The following CELSR2 variants were observed in gnomAD, a reference collection of about 807,000 sequenced individuals.
CELSR2 encodes cadherin EGF LAG seven-pass G-type receptor 2.
CELSR2 carries 81 observed loss-of-function variants against 251.6 expected under a neutral mutation model. The observed-to-expected ratio is 0.32, with a 90% CI of 0.27 to 0.39. The LOEUF is 0.39. CELSR2 is among the 10% of genes least tolerant of loss of function. The probability of loss-of-function intolerance (pLI) is 1.00; values close to 1 mark genes in which losing one functional copy is unlikely to be tolerated. For missense variants in CELSR2, 3,365 were observed against 3,947.7 expected, an observed-to-expected ratio of 0.85 and a Z score of 3.96; for synonymous variants, 1,721 against 1,670.5, an observed-to-expected ratio of 1.03 and a Z score of -0.74.
At position 109,261,681 on chromosome 1, in the gene CELSR2, C is replaced by T. The variant is rs1181345516; in HGVS notation, c.4297+53C>T. On this transcript the variant is annotated intron_variant, in intron 4 of 33. Coordinates refer to ENST00000271332, the MANE Select transcript of CELSR2 (RefSeq NM_001408.3). This position sits in a 1 kb window ranked among gnomAD's most constrained non-coding sequence, Gnocchi z 4.8. ...CCATCTTCCAAAGGCCCCAAGTCTT[C>T]CAGCCCCTGACCCCAAGCCACATAC... 6.4e-7 allele frequency: 1 copy of T among 1,573,458 alleles called. No individual in the cohort carries two copies. Among genetic ancestry groups the T allele is most frequent in the Non-Finnish European group, 8.7e-7 (1 of 1,143,846 alleles).
At position 109,269,391 on chromosome 1, in the gene CELSR2, G is replaced by C. The variant is rs750811946; in HGVS notation, c.6813-33G>C. On this transcript the variant is annotated intron_variant, in intron 20 of 33. Coordinates refer to ENST00000271332, the MANE Select transcript of CELSR2 (RefSeq NM_001408.3). The surrounding 1 kb of genome is among the most constrained non-coding windows in gnomAD (Gnocchi z 6.4). The stretch of plus-strand genomic sequence containing the variant: ...GCGTCTCCCCAGTCATGTGACTGCC[G>C]TGGTGACTGTGCACCTGACTGCCCC... 1 of 1,611,230 alleles carries C rather than the reference G, an allele frequency of 6.2e-7. No homozygotes were observed.
rs1656037691 is a variant in CELSR2, at chr1:109,262,183, G to A, written c.4387-104G>A. 6 of 1,481,186 alleles carry A rather than the reference G, an allele frequency of 4.1e-6. No homozygotes were observed. The Admixed American group carries it at 5.7e-5, about 14-fold the overall frequency. The allele number at this position is 1,481,186 out of a possible 1,614,324, so 91.8% of individuals were successfully genotyped here. A position where few individuals can be genotyped will look rare whatever the true frequency, so the allele number is the denominator to read the frequency against. ...TGTGTATATGCATGTGTGTACGTGT[G>A]TCTGGGCATGTGGGTGCACACAGAG... On this transcript the variant is annotated intron_variant, in intron 5 of 33. Transcript: ENST00000271332.
chr1:109,264,797 T>G (rs1362813872), intron 11 of CELSR2, 71 bp from the exon 12 acceptor site: 4 of 1,609,558 alleles, frequency 2.5e-6, no homozygotes, highest in Non-Finnish European at 3.4e-6. Context: ...AAGAAACAGA[T>G]GAAGGGTTTG....
At position 109,269,960 on chromosome 1, in the gene CELSR2, C is replaced by T. The variant is rs750802013; in HGVS notation, c.7135C>T (p.Leu2379=). ...ENGEILPLKT[L]TYVALGVTLA... is the part of the protein sequence containing the mutation. ...TGGGGAGATCCTGCCACTGAAGACACTGACATACGTGGCTCTAGGTGTCAC... is the reference window on the plus strand; with the variant it reads ...TGGGGAGATCCTGCCACTGAAGACATTGACATACGTGGCTCTAGGTGTCAC... The change falls in exon 23 of 34, where the codon CTG becomes TTG. Residue 2379 remains leucine, a synonymous_variant. Transcript: ENST00000271332. This position sits in a 1 kb window ranked among gnomAD's most constrained non-coding sequence, Gnocchi z 6.4. The T allele has an allele frequency of 6.2e-7, 1 of 1,614,170 alleles. No individual in the cohort carries two copies. Among genetic ancestry groups the T allele is most frequent in the Non-Finnish European group, 8.5e-7 (1 of 1,180,024 alleles).
rs919619982 is a variant in CELSR2, at chr1:109,264,769, G to A, written c.5465-99G>A. 4 of 1,594,790 alleles carry A rather than the reference G, an allele frequency of 2.5e-6. No individual in the cohort carries two copies. In the African/African-American group the frequency reaches 5.4e-5, roughly 21 times the overall value. On this transcript the variant is annotated intron_variant, in intron 11 of 33. Coordinates refer to ENST00000271332, the MANE Select transcript of CELSR2 (RefSeq NM_001408.3). ...CTACACAACAAAGCCATAGCCAGCT[G>A]ATAGGATGCTATGTGGAAAGAAACA...
rs200048357 is a variant in CELSR2 at position 109,263,216 on chromosome 1, G to A, written c.4783G>A (p.Ala1595Thr). ...NGGTCVNQWD[A>T]FSCECPLGFG... ...GGGCACTTGCGTGAACCAGTGGGAC[G>A]CGTTCAGCTGCGAGTGCCCCCTGGG... The change falls in exon 8 of 34, where the codon GCG (alanine) becomes ACG (threonine). Residue 1595 changes from alanine to threonine, a missense_variant. By Grantham distance (58) the Ala-to-Thr change is moderately conservative (BLOSUM62 0). Around this residue, in one of 5 missense-constraint regions of CELSR2, gnomAD observed 2,093 missense variants for 2,382.8 expected, o/e 0.88. Transcript: ENST00000271332. The A allele has an allele frequency of 2.9e-5, 47 of 1,593,896 alleles. No homozygotes were observed. Among genetic ancestry groups the A allele is most frequent in the African/African-American group, 5.4e-5 (4 of 74,602 alleles).
chr1:109,263,825 G>C, intron 9 of CELSR2, 48 bp downstream of exon 9: 1 of 1,590,272 alleles, frequency 6.3e-7, no homozygotes, highest in Non-Finnish European at 8.5e-7. Flanking sequence ...TAGGGCCCTG[G>C]TAGCCTCTAG....
chr1:109,261,047 C>T lies in CELSR2; in HGVS notation c.3964C>T (p.His1322Tyr). 1 of 1,609,610 alleles carries T rather than the reference C, an allele frequency of 6.2e-7. No homozygotes were observed. Among genetic ancestry groups the T allele is most frequent in the Non-Finnish European group, 8.5e-7 (1 of 1,177,160 alleles). Residue 1322 changes from histidine to tyrosine, a missense_variant, in exon 3 of 34, where the codon CAC becomes TAC. Physicochemically the swap from His to Tyr is moderately conservative, Grantham distance 83 (BLOSUM62 2). Coordinates refer to ENST00000271332, the MANE Select transcript of CELSR2 (RefSeq NM_001408.3). This position sits in a 1 kb window ranked among gnomAD's most constrained non-coding sequence, Gnocchi z 4.8. Reference protein sequence around the residue: ...CLCRDGYTGEHCEVSARSGRC... With the variant: ...CLCRDGYTGEYCEVSARSGRC... ...CTGCCTTTCCTCTTGTCCAGGTGAG[C>T]ACTGTGAGGTGAGTGCTCGCTCAGG... is the stretch of plus-strand genomic sequence containing the variant.
chr1:109,261,451 C>T lies in CELSR2; in HGVS notation c.4182-62C>T, dbSNP rs74508928. ...TCCCTCCCCTGCGCTGGTTAGGTGG[C>T]GGGGGTGCTGGCATCCAGGTGGGTA... is the stretch of plus-strand genomic sequence containing the variant. On this transcript the variant is annotated intron_variant, in intron 3 of 33. Transcript: ENST00000271332. This position sits in a 1 kb window ranked among gnomAD's most constrained non-coding sequence, Gnocchi z 4.8. The T allele has an allele frequency of 2.3e-3, 3,493 of 1,502,036 alleles. 69 individuals carry two copies. In the East Asian group the frequency reaches 0.038, roughly 16 times the overall value. The allele number at this position is 1,502,036 out of a possible 1,614,324, so 93.0% of individuals were successfully genotyped here. A position where few individuals can be genotyped will look rare whatever the true frequency, so the allele number is the denominator to read the frequency against.
At chr1:109,260,465 G>C (rs1244323520) in intron 2 of CELSR2, among the ~76,000 whole-genome samples, 2 of 152,130 alleles carry the variant, frequency 1.3e-5, no homozygotes, top group African/African-American at 4.8e-5. Context: ...GGGCTCCCCA[G>C]CTTCTCTCTC....
At position 109,251,781 on chromosome 1, in the gene CELSR2, C is replaced by G; in HGVS notation, c.1702C>G (p.Leu568Val). The change falls in exon 1 of 34, where the codon CTG (leucine) becomes GTG (valine). Residue 568 changes from leucine to valine, a missense_variant. Transcript: ENST00000271332. This position sits in a 1 kb window ranked among gnomAD's most constrained non-coding sequence, Gnocchi z 4.9. ...AGGCTGGATCTCTGTGGCTGCTGAA[C>G]TGGACCGGGAGGAAGTTGATTTCTA... is the stretch of plus-strand genomic sequence containing the variant. Reference protein sequence around the residue: ...GTGWISVAAELDREEVDFYSF... With the variant: ...GTGWISVAAEVDREEVDFYSF... The G allele has an allele frequency of 1.9e-6, 3 of 1,614,148 alleles. No individual in the cohort carries two copies. Among genetic ancestry groups the G allele is most frequent in the East Asian group, 2.2e-5 (1 of 44,890 alleles).
rs367611042 is a variant in CELSR2, at chr1:109,272,261, C to A, written c.7927-17C>A. On this transcript the variant is annotated splice_polypyrimidine_tract_variant and intron_variant, in intron 28 of 33. Transcript: ENST00000271332. The stretch of plus-strand genomic sequence containing the variant: ...CATCCCACTCCCCACTTACTGACCT[C>A]TCTGTTCCCTGCCTAGTCCTACAAC... 8.0e-5 allele frequency: 126 copies of A among 1,565,344 alleles called. No homozygotes were observed. Among genetic ancestry groups the A allele is most frequent in the Non-Finnish European group, 1.1e-4 (122 of 1,152,040 alleles).
rs776854763 is a variant in CELSR2 at position 109,252,907 on chromosome 1, T to C, written c.2828T>C (p.Val943Ala). The change falls in exon 1 of 34, where the codon GTC becomes GCC. Residue 943 changes from valine to alanine, a missense_variant. Transcript: ENST00000271332. The surrounding 1 kb of genome is among the most constrained non-coding windows in gnomAD (Gnocchi z 4.8). ...CCCATTGGGCTAGCCGTGGCCCGGG[T>C]CACAGCCACTGACCCCGATGAAGGC... ...NSPIGLAVAR[V>A]TATDPDEGTN... 4 of 1,612,510 alleles carry C rather than the reference T, an allele frequency of 2.5e-6. No homozygotes were observed. Among genetic ancestry groups the C allele is most frequent in the Non-Finnish European group, 1.7e-6 (2 of 1,179,124 alleles).
At chr1:109,264,395 C>T (rs1186182002) in intron 10 of CELSR2, 30 bp downstream of exon 10, 2 of 1,597,440 alleles carry the variant, frequency 1.3e-6, no homozygotes, top group Non-Finnish European at 8.6e-7. Flanking sequence ...CTCCCATCCC[C>T]TCCCCCACCA....
chr1:109,249,758 G>A lies in CELSR2; in HGVS notation c.-322G>A, dbSNP rs1570772150. Among the ~76,000 whole-genome samples, 2 of 149,688 alleles carry A rather than the reference G, an allele frequency of 1.3e-5. No individual in the cohort carries two copies. The highest frequency in any genetic ancestry group is 2.0e-4 in the East Asian group (1 of 5,128). ...GGGCACCCCGGCTCCGGAACCCGGG[G>A]CCCGGCAAGGCCAGGGGCGCCGCGG... On this transcript the variant is annotated 5_prime_UTR_variant, in exon 1 of 34. Coordinates refer to ENST00000271332, the MANE Select transcript of CELSR2 (RefSeq NM_001408.3).
chr1:109,273,107 G>T (rs1656420007), intron 31 of CELSR2, 59 bp from the exon 32 acceptor site: 1 of 1,596,936 alleles, frequency 6.3e-7, no homozygotes, highest in South Asian at 1.1e-5. Context: ...CAGGACTGGG[G>T]TGGTGGCCTC....
rs1165216335 is a variant in CELSR2 at position 109,263,295 on chromosome 1, A to C, written c.4834+28A>C. 3 of 1,553,702 alleles carry C rather than the reference A, an allele frequency of 1.9e-6. No individual in the cohort carries two copies. The East Asian group carries it at 6.8e-5, about 35-fold the overall frequency. On this transcript the variant is annotated intron_variant, in intron 8 of 33. Transcript: ENST00000271332. ...AGGAGGGGCGGCTGTTAGAGGCCAC[A>C]GCCTGGGTGCCATCAACAGTCTGGG...
At chr1:109,263,391 G>T (rs1359855851) in intron 8 of CELSR2, 124 bp downstream of exon 8, 1 of 1,437,938 alleles carries the variant, frequency 7.0e-7, no homozygotes, top group Admixed American at 2.6e-5. Flanking sequence ...AAGCGTGTCT[G>T]GGCAGAGCCC....
chr1:109,258,242 G>A (rs962084339), intron 1 of CELSR2, among the ~76,000 whole-genome samples, 190 bp from the exon 2 acceptor site: 3 of 152,136 alleles, frequency 2.0e-5, no homozygotes, highest in Admixed American at 1.3e-4. Context: ...GAAGGTTTTG[G>A]GAAAGGATGC....
Sources: allele counts gnomAD v4.1 joint callset (sites outside exome capture counted in the v4.1 genomes callset), GRCh38; gene constraint gnomAD v4.1.1; regional missense constraint gnomAD v4.1.1; non-coding constraint Gnocchi (gnomAD v3.1); transcripts MANE v1.5; gene names NCBI Gene and HGNC (gene_info 2026-07-23, HGNC 2026-07-21).